Variants in ACVR1B observed in about 807,000 individuals in gnomAD.
ACVR1B encodes activin A receptor type 1B.
Under a neutral mutation model 55.6 loss-of-function variants are expected in ACVR1B, and 15 were observed. The observed-to-expected ratio is 0.27, with a 90% CI of 0.18 to 0.42. The LOEUF is 0.42. ACVR1B is among the 10% of genes least tolerant of loss of function. The pLI is 1.00. For synonymous variants in ACVR1B, 247 were observed against 254.6 expected, an observed-to-expected ratio of 0.97 and a Z score of 0.28; for missense variants, 359 against 670.1, an observed-to-expected ratio of 0.54 and a Z score of 5.13.
chr12:51,963,085 G>A (rs1941567696), intron 1 of ACVR1B, among the ~76,000 whole-genome samples: 1 of 152,110 alleles, frequency 6.6e-6, no homozygotes, highest in Non-Finnish European at 1.5e-5. Context: ...ATGTTGTTTG[G>A]CAAATAGGGA....
chr12:51,974,616 C>G (rs1941811402), intron 1 of ACVR1B, among the ~76,000 whole-genome samples: 1 of 152,120 alleles, frequency 6.6e-6, no homozygotes, highest in Non-Finnish European at 1.5e-5. Context: ...TGCATTATCT[C>G]ACTTAATTCT....
chr12:51,973,207 T>G (rs1428049794), intron 1 of ACVR1B, among the ~76,000 whole-genome samples: 1 of 152,204 alleles, frequency 6.6e-6, no homozygotes, highest in African/African-American at 2.4e-5. Context: ...ATTGGTGGGC[T>G]CTGGAGTGAG....
chr12:51,989,213 A>G (rs890912480), intron 7 of ACVR1B, among the ~76,000 whole-genome samples: 3 of 152,206 alleles, frequency 2.0e-5, no homozygotes, highest in African/African-American at 7.2e-5. Flanking sequence ...CATTAGCTCA[A>G]GACAGCAGGG....
intron 1 of ACVR1B, among the ~76,000 whole-genome samples, chr12:51,974,057 G>T (rs1941798619): frequency 6.6e-6 from 1 of 152,190 alleles, no homozygotes; most frequent in Non-Finnish European, 1.5e-5. Flanking sequence ...TCATGGGACT[G>T]CCCATAAGTG....
Position 51,980,960 on chromosome 12 carries a change from G to T in ACVR1B, c.581-9G>T. 6.3e-7 allele frequency: 1 copy of T among 1,576,428 alleles called. No homozygotes were observed. The highest frequency in any genetic ancestry group is 1.2e-5 in the South Asian group (1 of 86,602). On this transcript the variant is annotated splice_polypyrimidine_tract_variant and intron_variant, in intron 3 of 8. Coordinates refer to ENST00000257963, the MANE Select transcript of ACVR1B (RefSeq NM_004302.5). ...AATGTCAGGTTTCTTCCTATTCTTT[G>T]GTTCACAGGGTTACCCCTCTTTGTC...
At chr12:51,958,299 T>C (rs904836018) in intron 1 of ACVR1B, among the ~76,000 whole-genome samples, 1 of 152,194 alleles carries the variant, frequency 6.6e-6, no homozygotes, top group Non-Finnish European at 1.5e-5. Context: ...CCCAATCTTT[T>C]TGACATCAGG....
Position 51,975,269 on chromosome 12 carries a change from G to A in ACVR1B, c.96G>A (p.Leu32=), listed in dbSNP as rs2120596587. The A allele has an allele frequency of 6.2e-7, 1 of 1,611,614 alleles. No homozygotes were observed. Among genetic ancestry groups the A allele is most frequent in the Non-Finnish European group, 8.5e-7 (1 of 1,179,682 alleles). Reference sequence around the variant, plus strand: ...CTGCTCCCCAATTTCCTGCAGCTCTGCTGTGTGCGTGCACCAGCTGCCTCC... The same window carrying A: ...CTGCTCCCCAATTTCCTGCAGCTCTACTGTGTGCGTGCACCAGCTGCCTCC... ...GGSGPRGVQA[L]LCACTSCLQA... is the part of the protein sequence containing the mutation. The change falls in exon 2 of 9, where the codon CTG becomes CTA. Residue 32 remains leucine, a synonymous_variant. Transcript: ENST00000257963.
intron 1 of ACVR1B, among the ~76,000 whole-genome samples, chr12:51,963,986 T>G (rs920236522): frequency 6.6e-6 from 1 of 152,248 alleles, no homozygotes; most frequent in Non-Finnish European, 1.5e-5. Flanking sequence ...GCCTTCCTAG[T>G]GGATATAAAG....
chr12:51,988,790 C>T, intron 7 of ACVR1B, among the ~76,000 whole-genome samples: 1 of 152,162 alleles, frequency 6.6e-6, no homozygotes, highest in East Asian at 1.9e-4. Context: ...CTGTAACTAC[C>T]CCTTAGATAA....
At position 51,994,414 on chromosome 12, in the gene ACVR1B, G is replaced by A. The variant is rs966230848; in HGVS notation, c.*304G>A. 5.0e-5 allele frequency: 17 copies of A among 342,718 alleles called. No homozygotes were observed. Among genetic ancestry groups the A allele is most frequent in the Admixed American group, 4.7e-4 (10 of 21,328 alleles). 21.2% of individuals were successfully genotyped at this position (342,718 alleles called of 1,614,324 possible). On this transcript the variant is annotated 3_prime_UTR_variant, in exon 9 of 9. Coordinates refer to ENST00000257963, the MANE Select transcript of ACVR1B (RefSeq NM_004302.5). The surrounding 1 kb of genome is among the most constrained non-coding windows in gnomAD (Gnocchi z 4.2). ...CCGCGAAACCCGGTGCATCTGGCAC[G>A]TGGCCAGGAGCCATGACAGGGGCGC...
chr12:51,987,056 C>A, intron 7 of ACVR1B, 114 bp downstream of exon 7: 1 of 1,423,118 alleles, frequency 7.0e-7, no homozygotes, highest in Non-Finnish European at 9.9e-7. Flanking sequence ...GTTGCCAGAG[C>A]CTGAATCATC....
intron 1 of ACVR1B, among the ~76,000 whole-genome samples, chr12:51,961,112 C>T (rs916919259): frequency 2.0e-5 from 3 of 152,122 alleles, no homozygotes; most frequent in Non-Finnish European, 4.4e-5. Flanking sequence ...TGTGTTCTCC[C>T]GGTCAGTGAT....
chr12:51,987,683 A>G (rs1295885840), intron 7 of ACVR1B: 1 of 156,202 alleles, frequency 6.4e-6, no homozygotes, highest in Non-Finnish European at 1.4e-5. Flanking sequence ...CACATATACT[A>G]AAATTGGAAC....
intron 8 of ACVR1B, 51 bp from the exon 9 acceptor site, chr12:51,993,930 CAGAA>C: frequency 6.2e-7 from 1 of 1,603,028 alleles, no homozygotes; most frequent in Non-Finnish European, 8.5e-7. Flanking sequence ...GCCTAGGGAC[CAGAA>C]AGGCTTCTCC....
Position 51,957,025 on chromosome 12 carries a change from T to A in ACVR1B, c.91+5191T>A, listed in dbSNP as rs547632274. On this transcript the variant is annotated intron_variant, in intron 1 of 8. Coordinates refer to ENST00000257963, the MANE Select transcript of ACVR1B (RefSeq NM_004302.5). ...CTCAAGCAATCCACTCACCTGGGCT[T>A]CACCTGCTGAGATTACGGGTATGAG... 2.1e-3 allele frequency among the ~76,000 whole-genome samples: 326 copies of A among 152,284 alleles called. 1 individual carries two copies. The highest frequency in any genetic ancestry group is 3.3e-3 in the Non-Finnish European group (222 of 68,016).
At chr12:51,987,926 A>G (rs544560988) in intron 7 of ACVR1B, among the ~76,000 whole-genome samples, 1 of 152,376 alleles carries the variant, frequency 6.6e-6, no homozygotes, top group Admixed American at 6.5e-5. Flanking sequence ...TATGCATTGC[A>G]TGCCTGTATC....
chr12:51,952,429 A>T (rs1302179651), intron 1 of ACVR1B, among the ~76,000 whole-genome samples: 2 of 152,116 alleles, frequency 1.3e-5, no homozygotes, highest in East Asian at 3.9e-4. Flanking sequence ...AAAGGGAGTC[A>T]CATTTCCCCT....
Position 51,996,630 on chromosome 12 carries a change from C to G in ACVR1B, c.*2520C>G, listed in dbSNP as rs1592266448. 6.5e-6 allele frequency: 1 copy of G among 152,706 alleles called. No homozygotes were observed. Among genetic ancestry groups the G allele is most frequent in the East Asian group, 1.9e-4 (1 of 5,200 alleles). 9.5% of individuals were successfully genotyped at this position (152,706 alleles called of 1,614,324 possible). Reference sequence around the variant, plus strand: ...ACACGTCCACTCCCAAGCCACTAGCCCACTCCCCAGTTGGCCCTTCTGCCC... The same window carrying G: ...ACACGTCCACTCCCAAGCCACTAGCGCACTCCCCAGTTGGCCCTTCTGCCC... On this transcript the variant is annotated 3_prime_UTR_variant, in exon 9 of 9. Transcript: ENST00000257963.
chr12:51,985,452 C>CG, intron 6 of ACVR1B, 104 bp downstream of exon 6: 1 of 1,373,034 alleles, frequency 7.3e-7, no homozygotes, highest in Non-Finnish European at 9.9e-7. Context: ...AAAAAGGAGG[C>CG]GAGGACCTTG....
Sources: gnomAD v4.1 joint callset for allele counts (sites outside exome capture counted in the v4.1 genomes callset) on GRCh38, gnomAD v4.1.1 for gene constraint, Gnocchi (gnomAD v3.1) non-coding constraint, MANE v1.5 for transcripts, NCBI Gene and HGNC (gene_info 2026-07-23, HGNC 2026-07-21) for gene names.